The following FRMD6 variants were observed in gnomAD, a reference collection of about 807,000 sequenced individuals.
FRMD6 encodes the protein FERM domain-containing protein 6.
Under a neutral mutation model 73.2 loss-of-function variants are expected in FRMD6, and 37 were observed. The ratio of observed to expected loss-of-function variants is 0.51; its 90% CI spans 0.39 to 0.66. FRMD6 has a LOEUF of 0.66. FRMD6 is among the 30% of genes least tolerant of loss of function. The probability of loss-of-function intolerance (pLI) is 0.00; values close to 1 mark genes in which losing one functional copy is unlikely to be tolerated. For synonymous variants in FRMD6, 273 were observed against 282.2 expected (o/e 0.97, Z 0.33); for missense variants, 714 against 780.5 (o/e 0.91, Z 1.02).
Position 51,702,500 on chromosome 14 carries a change from T to C in FRMD6, c.295-12T>C. On this transcript the variant is annotated splice_polypyrimidine_tract_variant and intron_variant, in intron 4 of 13. Transcript: ENST00000344768. ...GAAATAGCTTGATTTTTGTGTGTGC[T>C]TTTGTTTCTAGGGTATCGACCAATT... 1 of 1,609,034 alleles carries C rather than the reference T, an allele frequency of 6.2e-7. No homozygotes were observed. Among genetic ancestry groups the C allele is most frequent in the Non-Finnish European group, 8.5e-7 (1 of 1,176,624 alleles).
chr14:51,498,527 G>A (rs1006736942), intron 1 of FRMD6, among the ~76,000 whole-genome samples: 1 of 152,154 alleles, frequency 6.6e-6, no homozygotes, highest in Non-Finnish European at 1.5e-5. Context: ...AATTGCTACT[G>A]GTATTACCTG....
intron 1 of FRMD6, among the ~76,000 whole-genome samples, chr14:51,683,161 T>G (rs113351427): frequency 6.6e-6 from 1 of 152,264 alleles, no homozygotes; most frequent in Non-Finnish European, 1.5e-5. Context: ...TTCTTAAAGT[T>G]TAGCTCATTT....
chr14:51,445,547 C>A, the FRMD6 span, among the ~76,000 whole-genome samples: 2 of 151,752 alleles, frequency 1.3e-5, no homozygotes, highest in Non-Finnish European at 2.9e-5. Flanking sequence ...GATCAAGTAG[C>A]CAAACCGCCT....
chr14:51,534,037 G>C (rs1312559367), intron 1 of FRMD6, among the ~76,000 whole-genome samples: 3 of 152,200 alleles, frequency 2.0e-5, no homozygotes, highest in Non-Finnish European at 4.4e-5. Context: ...TGGGTTGACT[G>C]GTTGTTGCAT....
intron 1 of FRMD6, among the ~76,000 whole-genome samples, chr14:51,656,354 AAGG>A (rs1288953062): frequency 6.6e-6 from 1 of 152,178 alleles, no homozygotes; most frequent in Admixed American, 6.5e-5. Context: ...ATACAGTCGC[AAGG>A]AGAAGGCAGT....
the FRMD6 span, chr14:51,454,755 C>A: frequency 3.3e-5 from 5 of 152,188 alleles, no homozygotes; most frequent in African/African-American, 1.2e-4. Flanking sequence ...GCTGTGACTA[C>A]AGGACTGCAA....
intron 1 of FRMD6, among the ~76,000 whole-genome samples, chr14:51,504,173 A>T (rs1209808296): frequency 2.6e-4 from 40 of 152,134 alleles, no homozygotes; most frequent in African/African-American, 8.9e-4. Flanking sequence ...CAGTCAGGCT[A>T]CTCTACCATA....
At position 51,598,851 on chromosome 14, in the gene FRMD6, A is replaced by C. The variant is rs537762935; in HGVS notation, c.-147+28441A>C. On this transcript the variant is annotated intron_variant, in intron 2 of 14. Coordinates refer to the FRMD6 transcript ENST00000356218. The stretch of plus-strand genomic sequence containing the variant: ...TGCTATTGTGAATAGTGCTGCACTG[A>C]ACATACAAGTGCATGTGTCTTTTTG... Among the ~76,000 whole-genome samples the C allele has an allele frequency of 1.9e-3, 286 of 152,306 alleles. 3 individuals are homozygous for C. The highest frequency in any genetic ancestry group is 6.6e-3 in the African/African-American group (274 of 41,552).
At chr14:51,612,643 T>C (rs1890559230) in intron 2 of FRMD6, among the ~76,000 whole-genome samples, 1 of 152,204 alleles carries the variant, frequency 6.6e-6, no homozygotes, top group African/African-American at 2.4e-5. Flanking sequence ...ACTCAACTTC[T>C]GTAGGTCTTG....
intron 2 of FRMD6, among the ~76,000 whole-genome samples, chr14:51,589,350 G>GTT (rs375240842): frequency 4.0e-5 from 1 of 25,170 alleles, no homozygotes; most frequent in South Asian, 1.6e-3. Flanking sequence ...TTTGTTTTTG[G>GTT]TTTTTTTTGT....
chr14:51,503,864 T>G (rs77447940), intron 1 of FRMD6, among the ~76,000 whole-genome samples: 31,822 of 130,408 alleles, frequency 0.24, 4,018 homozygotes, highest in African/African-American at 0.4. Flanking sequence ...GGTTTTTTTT[T>G]GGGGGGGGGT....
At chr14:51,626,437 A>G (rs1891119738) in intron 2 of FRMD6, among the ~76,000 whole-genome samples, 1 of 152,212 alleles carries the variant, frequency 6.6e-6, no homozygotes, top group Non-Finnish European at 1.5e-5. Flanking sequence ...TGAGTCAGAC[A>G]GAATTTTCTA....
chr14:51,623,646 C>A (rs976794259), intron 2 of FRMD6, among the ~76,000 whole-genome samples: 2 of 152,186 alleles, frequency 1.3e-5, no homozygotes, highest in African/African-American at 2.4e-5. Flanking sequence ...TCCTGGAAGA[C>A]CTTTCTAACC....
the FRMD6 span, among the ~76,000 whole-genome samples, chr14:51,477,737 CTTTTTTTT>C: frequency 0.76 from 102,234 of 134,178 alleles, 38,281 homozygotes; most frequent in South Asian, 0.87. Context: ...TTTTCTTTTT[CTTTTTTTT>C]TTTTTTTTTT....
Position 51,728,990 on chromosome 14 carries a change from G to C in FRMD6, c.*961G>C, listed in dbSNP as rs1243882738. Reference sequence around the variant, plus strand: ...TAAAGCTTACTATGTCTTCATTTTGGCTTCCATGACTATCTTTTATACATG... The same window carrying C: ...TAAAGCTTACTATGTCTTCATTTTGCCTTCCATGACTATCTTTTATACATG... On this transcript the variant is annotated 3_prime_UTR_variant, in exon 14 of 14. Coordinates refer to ENST00000344768, the MANE Select transcript of FRMD6 (RefSeq NM_001267046.2). 1 of 152,014 alleles carries C rather than the reference G, an allele frequency of 6.6e-6. No homozygotes were observed. Among genetic ancestry groups the C allele is most frequent in the Non-Finnish European group, 1.5e-5 (1 of 67,986 alleles). 9.4% of individuals were successfully genotyped at this position (152,014 alleles called of 1,614,324 possible).
At chr14:51,685,060 C>T (rs1895061192) in intron 1 of FRMD6, among the ~76,000 whole-genome samples, 1 of 152,190 alleles carries the variant, frequency 6.6e-6, no homozygotes, top group Admixed American at 6.5e-5. Context: ...GAATGGGAAG[C>T]ATGAGAGTGA....
intron 2 of FRMD6, among the ~76,000 whole-genome samples, chr14:51,614,205 G>A (rs1003005355): frequency 2.0e-5 from 3 of 152,054 alleles, no homozygotes; most frequent in Non-Finnish European, 4.4e-5. Flanking sequence ...GGAACTTTGG[G>A]TTGGTTGGTT....
chr14:51,539,559 G>A (rs1355970011), intron 1 of FRMD6, among the ~76,000 whole-genome samples: 1 of 152,108 alleles, frequency 6.6e-6, no homozygotes, highest in African/African-American at 2.4e-5. Flanking sequence ...AGGTTGGTAG[G>A]GGGAGCAAAT....
chr14:51,398,946 T>C, the FRMD6 span, among the ~76,000 whole-genome samples: 3 of 152,314 alleles, frequency 2.0e-5, no homozygotes, highest in East Asian at 5.8e-4. Flanking sequence ...CTCCCTGGAA[T>C]GGCCTCTAAG....
Sources: gnomAD v4.1 joint callset for allele counts (sites outside exome capture counted in the v4.1 genomes callset) on GRCh38, gnomAD v4.1.1 for gene constraint, MANE v1.5 for transcripts, NCBI Gene and HGNC (gene_info 2026-07-23, HGNC 2026-07-21) for gene names.